Variants in IRAK3 observed in about 807,000 individuals in gnomAD.
IRAK3 encodes the protein interleukin 1 receptor associated kinase 3.
Under a neutral mutation model 56.6 loss-of-function variants are expected in IRAK3, and 57 were observed. That is an observed-to-expected ratio of 1.01 (90% CI 0.81 to 1.26). IRAK3 has a LOEUF of 1.26. Ranked by LOEUF, IRAK3 falls within the 50% of genes most tolerant of loss-of-function variation. The pLI is 0.00. For missense variants in IRAK3, 703 were observed against 719.0 expected, an observed-to-expected ratio of 0.98 and a Z score of 0.25; for synonymous variants, 258 against 255.7, an observed-to-expected ratio of 1.01 and a Z score of -0.09.
At chr12:66,222,350 G>T (rs546132786) in intron 6 of IRAK3, among the ~76,000 whole-genome samples, 3 of 151,670 alleles carry the variant, frequency 2.0e-5, no homozygotes, top group Non-Finnish European at 4.4e-5. Flanking sequence ...CAATCTCCTT[G>T]GTTGTTATTG....
chr12:66,247,831 G>A lies in IRAK3; in HGVS notation c.1451G>A (p.Ser484Asn). Residue 484 changes from serine (S) to asparagine (N), a missense_variant, in exon 12 of 12, where the codon AGC becomes AAC. Physicochemically the swap from Ser to Asn is conservative, Grantham distance 46. Coordinates refer to ENST00000261233, the MANE Select transcript of IRAK3 (RefSeq NM_007199.3). ...AGTATTCCAGTGGAAGATGATGAAA[G>A]CCAGAATAACAATTTACTACCTTCT... ...VPSIPVEDDE[S>N]QNNNLLPSDE... 2 of 1,614,164 alleles carry A rather than the reference G, an allele frequency of 1.2e-6. No homozygotes were observed. Among genetic ancestry groups the A allele is most frequent in the Non-Finnish European group, 8.5e-7 (1 of 1,180,006 alleles).
intron 8 of IRAK3, among the ~76,000 whole-genome samples, chr12:66,235,480 A>G (rs888895240): frequency 6.6e-6 from 1 of 151,414 alleles, no homozygotes; most frequent in Non-Finnish European, 1.5e-5. Context: ...GCACTCGTCT[A>G]AAAGTGCGGC....
chr12:66,251,240 T>C lies in IRAK3; in HGVS notation c.*3069T>C, dbSNP rs1187298121. The C allele has an allele frequency of 6.6e-6, 1 of 152,214 alleles. No homozygotes were observed. The highest frequency in any genetic ancestry group is 2.4e-5 in the African/African-American group (1 of 41,450). The allele number at this position is 152,214 out of a possible 1,614,324, so 9.4% of individuals were successfully genotyped here. On this transcript the variant is annotated 3_prime_UTR_variant, in exon 12 of 12. Transcript: ENST00000261233. ...AGCAGATGCCACTGTGGCTGGGAAG[T>C]ACCAAATCTTCTGTTGAGTGATTCA...
intron 8 of IRAK3, among the ~76,000 whole-genome samples, chr12:66,242,144 TC>T (rs930436701): frequency 7.9e-5 from 12 of 151,996 alleles, no homozygotes; most frequent in African/African-American, 2.7e-4. Flanking sequence ...ATTCCCACCC[TC>T]CCCCTGTGCT....
At chr12:66,208,213 G>A (rs2052575054) in intron 2 of IRAK3, among the ~76,000 whole-genome samples, 1 of 152,074 alleles carries the variant, frequency 6.6e-6, no homozygotes, top group African/African-American at 2.4e-5. Context: ...AGCAAAATAT[G>A]GCAGGGTTTT....
chr12:66,247,293 A>G (rs1237740278), intron 11 of IRAK3, among the ~76,000 whole-genome samples: 1 of 151,978 alleles, frequency 6.6e-6, no homozygotes. Context: ...ACAAACAAAC[A>G]AACAAAACAA....
Position 66,253,285 on chromosome 12 carries a change from T to A in IRAK3, c.*5114T>A, listed in dbSNP as rs1400243763. 4 of 152,252 alleles carry A rather than the reference T, an allele frequency of 2.6e-5. No homozygotes were observed. Among genetic ancestry groups the A allele is most frequent in the Non-Finnish European group, 4.4e-5 (3 of 68,036 alleles). The allele number at this position is 152,252 out of a possible 1,614,324, so 9.4% of individuals were successfully genotyped here. ...TAATTTTAAATACTAATATCTGAGATATCTTCGAAAAGAAGATTAGTCGTT... is the reference window on the plus strand; with the variant it reads ...TAATTTTAAATACTAATATCTGAGAAATCTTCGAAAAGAAGATTAGTCGTT... On this transcript the variant is annotated 3_prime_UTR_variant, in exon 12 of 12. Coordinates refer to ENST00000261233, the MANE Select transcript of IRAK3 (RefSeq NM_007199.3).
intron 1 of IRAK3, among the ~76,000 whole-genome samples, chr12:66,190,239 C>G (rs1319294201): frequency 1.3e-5 from 2 of 152,012 alleles, no homozygotes; most frequent in African/African-American, 4.8e-5. Flanking sequence ...TTTTTCTTAC[C>G]AGGACTAGCA....
intron 1 of IRAK3, among the ~76,000 whole-genome samples, chr12:66,199,657 C>T (rs1286459353): frequency 1.3e-5 from 2 of 152,172 alleles, no homozygotes; most frequent in African/African-American, 2.4e-5. Context: ...TCAAACCACA[C>T]TTAGTGCATA....
chr12:66,223,537 TA>T (rs2052756279), intron 6 of IRAK3, among the ~76,000 whole-genome samples: 1 of 150,546 alleles, frequency 6.6e-6, no homozygotes, highest in South Asian at 2.1e-4. Context: ...CGGGCGCCTG[TA>T]GTCCCAGCTA....
rs145304321 is a variant in IRAK3, at chr12:66,190,555, G to A, written c.133+1123G>A. Among the ~76,000 whole-genome samples, 53 of 152,306 alleles carry A rather than the reference G, an allele frequency of 3.5e-4. 1 individual carries two copies. The East Asian group carries it at 0.01, about 29-fold the overall frequency. ...GTTACTGACTTTGAGAAAGAAAAGTGTTTTTAGTCCAGTTTAATGTTGGTG... is the reference window on the plus strand; with the variant it reads ...GTTACTGACTTTGAGAAAGAAAAGTATTTTTAGTCCAGTTTAATGTTGGTG... On this transcript the variant is annotated intron_variant, in intron 1 of 11. Transcript: ENST00000261233.
intron 2 of IRAK3, among the ~76,000 whole-genome samples, chr12:66,209,208 T>C (rs2052588404): frequency 1.3e-5 from 2 of 152,136 alleles, no homozygotes; most frequent in Admixed American, 1.3e-4. Flanking sequence ...TAATAATAGA[T>C]TAAGGCAACT....
chr12:66,199,720 A>G (rs2052488874), intron 1 of IRAK3, among the ~76,000 whole-genome samples: 1 of 152,212 alleles, frequency 6.6e-6, no homozygotes, highest in African/African-American at 2.4e-5. Flanking sequence ...TTTGAACTAC[A>G]CTGATTTGCA....
intron 1 of IRAK3, among the ~76,000 whole-genome samples, chr12:66,203,198 T>C (rs1201307755): frequency 6.6e-6 from 1 of 152,142 alleles, no homozygotes; most frequent in East Asian, 1.9e-4. Flanking sequence ...TTATTAATTA[T>C]AAAGAGAAAG....
intron 8 of IRAK3, chr12:66,235,291 TGCGGGCCGCGGCG>T (rs2052893290): frequency 7.5e-7 from 1 of 1,336,052 alleles, no homozygotes; most frequent in Non-Finnish European, 9.6e-7. Flanking sequence ...AGATCATCGC[TGCGGGCCGCGGCG>T]GCGGGCGCGG....
chr12:66,215,641 A>G (rs897793502), intron 5 of IRAK3, among the ~76,000 whole-genome samples: 6 of 152,208 alleles, frequency 3.9e-5, no homozygotes, highest in Non-Finnish European at 8.8e-5. Flanking sequence ...AGTTGTTACG[A>G]GTAAAAATAC....
chr12:66,214,498 G>A (rs993345452), intron 5 of IRAK3, among the ~76,000 whole-genome samples: 2 of 151,976 alleles, frequency 1.3e-5, no homozygotes, highest in African/African-American at 4.8e-5. Context: ...CCAAGATCAC[G>A]CCACTGCATT....
chr12:66,215,788 A>AAGTGCACGTGCG (rs1555203513), intron 5 of IRAK3, among the ~76,000 whole-genome samples: 1 of 131,688 alleles, frequency 7.6e-6, no homozygotes, highest in African/African-American at 2.8e-5. Flanking sequence ...CCCAACATGC[A>AAGTGCACGTGCG]CACACACACA....
chr12:66,234,933 A>C, intron 8 of IRAK3: 1 of 1,614,196 alleles, frequency 6.2e-7, no homozygotes. Context: ...TTCAGGGCAG[A>C]CACAGCTTTT....
Sources: gnomAD v4.1 joint callset for allele counts (sites outside exome capture counted in the v4.1 genomes callset) on GRCh38, gnomAD v4.1.1 for gene constraint, MANE v1.5 for transcripts, NCBI Gene and HGNC (gene_info 2026-07-23, HGNC 2026-07-21) for gene names.